PCDHA2: variants seen among roughly 807,000 people sequenced by gnomAD.
The protein encoded by PCDHA2 is protocadherin alpha 2.
A neutral mutation model predicts 66.0 loss-of-function variants in PCDHA2; 58 were observed. The ratio of observed to expected loss-of-function variants is 0.88; its 90% CI spans 0.71 to 1.09. PCDHA2 has a LOEUF of 1.09. Ranked by LOEUF, PCDHA2 falls within the 50% of genes least tolerant of loss-of-function variation. The pLI is 0.00. For missense variants in PCDHA2, 1,267 were observed against 1,242.3 expected (o/e 1.02, Z -0.30); for synonymous variants, 634 against 554.0 (o/e 1.14, Z -2.03).
chr5:140,828,369 A>C, intron 1 of PCDHA2: 1 of 1,614,252 alleles, frequency 6.2e-7, no homozygotes, highest in Non-Finnish European at 8.5e-7. Context: ...ATCGACCGCG[A>C]GGAGCTGTGC....
chr5:140,911,849 T>C (rs536574096), intron 1 of PCDHA2, among the ~76,000 whole-genome samples: 4 of 152,314 alleles, frequency 2.6e-5, no homozygotes, highest in African/African-American at 9.6e-5. Flanking sequence ...AACTCCATCC[T>C]TAATAGTCTG....
chr5:140,999,673 T>G (rs2097868835), intron 3 of PCDHA2, among the ~76,000 whole-genome samples: 1 of 152,050 alleles, frequency 6.6e-6, no homozygotes, highest in Non-Finnish European at 1.5e-5. Context: ...TGCGGGGGGC[T>G]CACAGAAAGA....
chr5:140,870,257 C>T (rs1554163963), intron 1 of PCDHA2: 1 of 1,614,172 alleles, frequency 6.2e-7, no homozygotes, highest in Non-Finnish European at 8.5e-7. Context: ...GGACAGGTGA[C>T]CTGCTCGCTG....
At chr5:140,803,627 T>A (rs782685933) in intron 1 of PCDHA2, 6 of 1,613,846 alleles carry the variant, frequency 3.7e-6, no homozygotes, top group Non-Finnish European at 5.1e-6. Flanking sequence ...CAAAATGTCT[T>A]TGTTTTTCAT....
At chr5:140,870,921 T>G (rs2052546739) in intron 1 of PCDHA2, 1 of 1,613,894 alleles carries the variant, frequency 6.2e-7, no homozygotes, top group South Asian at 1.1e-5. Flanking sequence ...ACGCGTGGCT[T>G]TCATATGAAT....
Position 140,839,125 on chromosome 5 carries a change from C to T in PCDHA2, c.2388+41773C>T, listed in dbSNP as rs146206421. ...TATTTACCATTAAGCCATAATATGT[C>T]ATTCACATAAGCAGACCAAGTTTGC... On this transcript the variant is annotated intron_variant, in intron 1 of 3. Transcript: ENST00000526136. Among the ~76,000 whole-genome samples, 144 of 151,494 alleles carry T rather than the reference C, an allele frequency of 9.5e-4. 3 individuals carry two copies. The highest frequency in any genetic ancestry group is 3.4e-3 in the African/African-American group (139 of 41,138).
At chr5:140,858,726 C>T (rs115774489) in intron 1 of PCDHA2, 5,491 of 481,664 alleles carry the variant, frequency 0.011, 341 homozygotes, top group Non-Finnish European at 0.014. Flanking sequence ...GCAGTTCTGA[C>T]GATTTACTTT....
At position 140,796,662 on chromosome 5, in the gene PCDHA2, G is replaced by A. The variant is rs1319755218; in HGVS notation, c.1698G>A (p.Leu566=). Residue 566 remains leucine (L), a synonymous_variant, in exon 1 of 4, where the codon TTG becomes TTA. Coordinates refer to ENST00000526136, the MANE Select transcript of PCDHA2 (RefSeq NM_018905.3). The part of the protein sequence containing the change: ...LDENDNAPAL[L]APRAGTAAGA... ...AGAACGACAACGCGCCGGCACTGTTGGCGCCTAGGGCTGGCACCGCTGCTG... is the reference window on the plus strand; with the variant it reads ...AGAACGACAACGCGCCGGCACTGTTAGCGCCTAGGGCTGGCACCGCTGCTG... 5.6e-6 allele frequency: 9 copies of A among 1,613,872 alleles called. No individual in the cohort carries two copies. The highest frequency in any genetic ancestry group is 1.7e-5 in the Admixed American group (1 of 59,998).
intron 1 of PCDHA2, among the ~76,000 whole-genome samples, chr5:140,881,594 A>C (rs1464236535): frequency 6.6e-6 from 1 of 152,244 alleles, no homozygotes; most frequent in Non-Finnish European, 1.5e-5. Flanking sequence ...AGGGAAATTT[A>C]TTAATATGAT....
chr5:140,841,114 T>C (rs2150311282), intron 1 of PCDHA2: 5 of 610,018 alleles, frequency 8.2e-6, no homozygotes, highest in Non-Finnish European at 1.4e-5. Flanking sequence ...AAGTAATTCA[T>C]GTAATCATTA....
chr5:140,803,459 G>A (rs1333892041), intron 1 of PCDHA2: 2 of 1,614,130 alleles, frequency 1.2e-6, no homozygotes, highest in African/African-American at 1.3e-5. Context: ...CGCAGCAGAG[G>A]CAGCAGAGGG....
intron 1 of PCDHA2, chr5:140,858,270 G>A (rs1554151358): frequency 6.3e-7 from 1 of 1,597,416 alleles, no homozygotes; most frequent in South Asian, 1.1e-5. Flanking sequence ...GTGTGCTCTA[G>A]CGCGGTGGGG....
chr5:140,929,291 A>G (rs782335969), intron 1 of PCDHA2: 19 of 1,596,972 alleles, frequency 1.2e-5, no homozygotes, highest in Non-Finnish European at 1.6e-5. Flanking sequence ...CAGATTCGGA[A>G]TAGGAAAGGG....
chr5:140,936,615 G>T (rs1052104404), intron 1 of PCDHA2, among the ~76,000 whole-genome samples: 1 of 152,178 alleles, frequency 6.6e-6, no homozygotes, highest in Non-Finnish European at 1.5e-5. Context: ...CTGCTACTGT[G>T]CAGTGCTACC....
intron 1 of PCDHA2, among the ~76,000 whole-genome samples, chr5:140,840,448 G>T (rs1381266800): frequency 1.3e-5 from 2 of 151,904 alleles, no homozygotes; most frequent in Non-Finnish European, 2.9e-5. Flanking sequence ...AAATAGAAAC[G>T]TTAAATAAAA....
intron 1 of PCDHA2, chr5:140,968,266 G>A: frequency 6.2e-7 from 1 of 1,614,080 alleles, no homozygotes; most frequent in Non-Finnish European, 8.5e-7. Context: ...ATGAAAAGGA[G>A]AATGCAGAGG....
At chr5:140,980,684 G>GA (rs782726576) in intron 2 of PCDHA2, among the ~76,000 whole-genome samples, 3,276 of 145,132 alleles carry the variant, frequency 0.023, 40 homozygotes, top group Middle Eastern at 0.066. Flanking sequence ...TTTTCAAATT[G>GA]AAAAAAAAAA....
intron 1 of PCDHA2, among the ~76,000 whole-genome samples, chr5:140,913,872 G>A (rs2076493472): frequency 6.6e-6 from 1 of 151,980 alleles, no homozygotes; most frequent in Non-Finnish European, 1.5e-5. Flanking sequence ...TAATTTCCAT[G>A]TGTTCATGTA....
chr5:140,949,779 T>A (rs1414817850), intron 1 of PCDHA2, among the ~76,000 whole-genome samples: 1 of 151,898 alleles, frequency 6.6e-6, no homozygotes, highest in East Asian at 1.9e-4. Context: ...ATTTGATATG[T>A]TTAGATTTGT....
Sources: allele counts gnomAD v4.1 joint callset (sites outside exome capture counted in the v4.1 genomes callset), GRCh38; gene constraint gnomAD v4.1.1; transcripts MANE v1.5; gene names NCBI Gene and HGNC (gene_info 2026-07-23, HGNC 2026-07-21).